The following GRSF1 variants were observed in gnomAD, a reference collection of about 807,000 sequenced individuals.
GRSF1 encodes G-rich sequence factor 1.
In GRSF1, 50 loss-of-function variants were observed where a neutral mutation model predicts 51.1. The observed-to-expected ratio is 0.98, with a 90% confidence interval of 0.78 to 1.24. The LOEUF is 1.24. Ranked by LOEUF, GRSF1 falls within the 50% of genes most tolerant of loss-of-function variation. GRSF1 has a pLI of 0.00. For missense variants in GRSF1, 700 were observed against 639.7 expected (o/e 1.09, Z -1.02); for synonymous variants, 293 against 253.3 (o/e 1.16, Z -1.49).
intron 5 of GRSF1, among the ~76,000 whole-genome samples, chr4:70,828,975 G>A (rs928458375): frequency 1.2e-4 from 18 of 152,082 alleles, no homozygotes; most frequent in African/African-American, 4.1e-4. Flanking sequence ...CAGACCTCAG[G>A]TGATTCACCT....
upstream of GRSF1, chr4:70,839,951 G>T (rs1734405036): frequency 2.5e-6 from 2 of 805,362 alleles, no homozygotes; most frequent in Admixed American, 8.0e-5. Flanking sequence ...GCACTGGGTG[G>T]GGGGCCTCCG....
chr4:70,831,080 G>T (rs888494406), intron 5 of GRSF1, among the ~76,000 whole-genome samples: 3 of 152,054 alleles, frequency 2.0e-5, no homozygotes, highest in African/African-American at 7.2e-5. Flanking sequence ...CAGTCAAGCC[G>T]GATGCGGTGG....
intron 5 of GRSF1, among the ~76,000 whole-genome samples, chr4:70,829,779 T>A (rs1440407863): frequency 1.3e-5 from 2 of 152,164 alleles, no homozygotes; most frequent in Admixed American, 1.3e-4. Flanking sequence ...CACTTCAGCC[T>A]GGGTGACAGA....
At chr4:70,826,275 A>G in intron 6 of GRSF1, 30 bp from the exon 7 acceptor site, 1 of 1,568,514 alleles carries the variant, frequency 6.4e-7, no homozygotes, top group Non-Finnish European at 8.6e-7. Context: ...GCACTGTTAA[A>G]ACATAACAGC....
In GRSF1 at chr4:70,836,258, G is replaced by T; in HGVS notation, c.414C>A (p.Ala138=). 6.2e-7 allele frequency: 1 copy of T among 1,608,764 alleles called. No individual in the cohort carries two copies. The highest frequency in any genetic ancestry group is 8.5e-7 in the Non-Finnish European group (1 of 1,177,926). The change falls in exon 2 of 10, where the codon GCC becomes GCA. Residue 138 remains alanine (A), a synonymous_variant. Transcript: ENST00000254799. ...DLPPPPEYEL[A]PSKLEEEVDD... ...CCACTTCCTCTTCTAACTTGGACGG[G>T]GCCAATTCATACTCAGGGGGTGGTG...
At chr4:70,821,419 G>C (rs968057373) in intron 9 of GRSF1, among the ~76,000 whole-genome samples, 1 of 106,434 alleles carries the variant, frequency 9.4e-6, no homozygotes, top group Admixed American at 1.2e-4. Context: ...GAGAAACTCC[G>C]TCTCAAAAAA....
At chr4:70,837,887 G>A (rs143834582) in intron 1 of GRSF1, among the ~76,000 whole-genome samples, 4,092 of 151,336 alleles carry the variant, frequency 0.027, 80 homozygotes, top group Middle Eastern at 0.055. Flanking sequence ...TGATCCACCC[G>A]CCGCAGCCTC....
intron 6 of GRSF1, among the ~76,000 whole-genome samples, chr4:70,826,536 G>GAAAAAAAAAAAAA (rs538242968): frequency 7.4e-6 from 1 of 135,114 alleles, no homozygotes; most frequent in Non-Finnish European, 1.6e-5. Context: ...TATAGGCACT[G>GAAAAAAAAAAAAA]AAAAAAAAAA....
rs1283329510 is a variant in GRSF1, at chr4:70,815,949, A to C, written c.*4938T>G. 6.6e-6 allele frequency: 1 copy of C among 152,220 alleles called. No individual in the cohort carries two copies. The highest frequency in any genetic ancestry group is 2.4e-5 in the African/African-American group (1 of 41,450). The allele number at this position is 152,220 out of a possible 1,614,324, so 9.4% of individuals were successfully genotyped here. A position where few individuals can be genotyped will look rare whatever the true frequency, so the allele number is the denominator to read the frequency against. On this transcript the variant is annotated 3_prime_UTR_variant, in exon 10 of 10. Coordinates refer to ENST00000254799, the MANE Select transcript of GRSF1 (RefSeq NM_002092.4). ...ACAAAGCTTAAACACACTGATGAACATACAAACATGCTGAGTAAAAGGAAC... is the reference window on the plus strand; with the variant it reads ...ACAAAGCTTAAACACACTGATGAACCTACAAACATGCTGAGTAAAAGGAAC...
chr4:70,842,940 C>T (rs1229984786), upstream of GRSF1, among the ~76,000 whole-genome samples: 6 of 152,206 alleles, frequency 3.9e-5, no homozygotes, highest in African/African-American at 1.4e-4. Flanking sequence ...CACGCTCTCT[C>T]ACAGCACAAA....
chr4:70,834,892 G>A (rs1023729942), intron 2 of GRSF1, among the ~76,000 whole-genome samples: 1 of 152,040 alleles, frequency 6.6e-6, no homozygotes, highest in African/African-American at 2.4e-5. Flanking sequence ...CAAAGTGCTG[G>A]GATTACAGGC....
At chr4:70,828,694 G>T (rs1314092401) in intron 5 of GRSF1, among the ~76,000 whole-genome samples, 1 of 150,988 alleles carries the variant, frequency 6.6e-6, no homozygotes, top group Non-Finnish European at 1.5e-5. Flanking sequence ...TCAGCCTCCT[G>T]AGTAGCTGGG....
intron 2 of GRSF1, among the ~76,000 whole-genome samples, chr4:70,835,496 G>A (rs1440087976): frequency 4.9e-5 from 7 of 141,714 alleles, no homozygotes; most frequent in South Asian, 2.4e-4. Context: ...TCACTCTGTC[G>A]CCCAGGCTGG....
chr4:70,831,263 G>C (rs1037064236), intron 5 of GRSF1, among the ~76,000 whole-genome samples: 1 of 151,936 alleles, frequency 6.6e-6, no homozygotes, highest in Non-Finnish European at 1.5e-5. Flanking sequence ...GCTGAGGCAG[G>C]AGAATCGCTT....
At chr4:70,825,851 G>C (rs1320823982) in intron 7 of GRSF1, 1 of 338,962 alleles carries the variant, frequency 3.0e-6, no homozygotes, top group Non-Finnish European at 5.4e-6. Context: ...AGAAATGCTT[G>C]AACCCGGGAG....
Position 70,815,869 on chromosome 4 carries a change from TGAA to T in GRSF1, c.*5015_*5017del, listed in dbSNP as rs1290364915. 12 of 152,090 alleles carry T rather than the reference TGAA, an allele frequency of 7.9e-5. No homozygotes were observed. Among genetic ancestry groups the T allele is most frequent in the Non-Finnish European group, 1.3e-4 (9 of 68,022 alleles). 9.4% of individuals were successfully genotyped at this position (152,090 alleles called of 1,614,324 possible). On this transcript the variant is annotated 3_prime_UTR_variant, in exon 10 of 10. Transcript: ENST00000254799. ...ACCAGTTAGTTGTTCACCTAACAGG[TGAA>T]ACGTTAAAATGTGGCATTCATACAT...
intron 5 of GRSF1, among the ~76,000 whole-genome samples, chr4:70,830,104 A>C (rs1350509294): frequency 6.6e-6 from 1 of 152,134 alleles, no homozygotes; most frequent in Non-Finnish European, 1.5e-5. Context: ...AAAGGGGGGA[A>C]GAATAAGTAA....
intron 3 of GRSF1, 99 bp from the exon 4 acceptor site, chr4:70,832,549 C>T (rs1305448863): frequency 1.5e-6 from 1 of 663,200 alleles, no homozygotes; most frequent in Non-Finnish European, 2.6e-6. Flanking sequence ...TCTGAGAATT[C>T]AATAACTATT....
chr4:70,822,752 TA>T (rs1733574011), intron 9 of GRSF1, among the ~76,000 whole-genome samples: 1 of 152,098 alleles, frequency 6.6e-6, no homozygotes, highest in Non-Finnish European at 1.5e-5. Flanking sequence ...AAATTATGCA[TA>T]AAAATTCTAT....
Sources: allele counts gnomAD v4.1 joint callset (sites outside exome capture counted in the v4.1 genomes callset), GRCh38; gene constraint gnomAD v4.1.1; transcripts MANE v1.5; gene names NCBI Gene and HGNC (gene_info 2026-07-23, HGNC 2026-07-21).